Variants in LRRC4C observed in about 807,000 individuals in gnomAD.
The protein encoded by LRRC4C is leucine rich repeat containing 4C.
A neutral mutation model predicts 33.6 loss-of-function variants in LRRC4C; 5 were observed. That is an observed-to-expected ratio of 0.15 (90% confidence interval 0.08 to 0.31). The LOEUF (loss-of-function observed/expected upper bound fraction) is 0.31. Among genes scored for constraint, LRRC4C ranks in the 10% least tolerant of loss-of-function variants. The pLI, the probability that LRRC4C is intolerant of heterozygous loss-of-function variation, is 1.00. For missense variants in LRRC4C, 560 were observed against 796.7 expected, an observed-to-expected ratio of 0.70 and a Z score of 3.58; for synonymous variants, 329 against 302.0, an observed-to-expected ratio of 1.09 and a Z score of -0.93.
At chr11:40,534,498 G>A (rs1956396007) in intron 3 of LRRC4C, among the ~76,000 whole-genome samples, 1 of 152,156 alleles carries the variant, frequency 6.6e-6, no homozygotes, top group African/African-American at 2.4e-5. Context: ...TTCTAGCTGT[G>A]TGGCACTGCC....
At chr11:40,473,677 A>G (rs1358352248) in intron 3 of LRRC4C, among the ~76,000 whole-genome samples, 1 of 152,232 alleles carries the variant, frequency 6.6e-6, no homozygotes, top group Non-Finnish European at 1.5e-5. Flanking sequence ...CTGTTTACAG[A>G]TGACATGATG....
chr11:40,643,409 G>A (rs7479525), intron 3 of LRRC4C, among the ~76,000 whole-genome samples: 25,093 of 152,068 alleles, frequency 0.17, 2,488 homozygotes, highest in Admixed American at 0.26. Flanking sequence ...CATCAGGGTA[G>A]CGTCAAAGAA....
intron 2 of LRRC4C, among the ~76,000 whole-genome samples, chr11:40,753,255 A>G (rs1025509356): frequency 6.6e-6 from 1 of 152,054 alleles, no homozygotes; most frequent in Non-Finnish European, 1.5e-5. Context: ...ACAGTTAGCA[A>G]TAATATGCTG....
chr11:41,347,881 C>T (rs1266939105), intron 1 of LRRC4C, among the ~76,000 whole-genome samples: 1 of 152,100 alleles, frequency 6.6e-6, no homozygotes, highest in Non-Finnish European at 1.5e-5. Context: ...TGCTTCCGAA[C>T]CACCGGTACT....
intron 3 of LRRC4C, among the ~76,000 whole-genome samples, chr11:40,526,499 A>G (rs1439934644): frequency 1.3e-5 from 2 of 152,146 alleles, no homozygotes; most frequent in Non-Finnish European, 2.9e-5. Context: ...ATTAGTCACC[A>G]GGGAAATACA....
intron 5 of LRRC4C, among the ~76,000 whole-genome samples, chr11:40,219,159 A>G (rs1864220994): frequency 2.6e-5 from 4 of 152,274 alleles, no homozygotes; most frequent in African/African-American, 7.2e-5. Context: ...ATTCAAATTG[A>G]AATTTAAATT....
In LRRC4C at chr11:40,545,103, A is replaced by T. The variant is rs115005091; in HGVS notation, c.-270+103039T>A. ...TAGCACCTTGTCTCTGAAGCCTCCC[A>T]TCATCACCCAAGCAAAAAACATCAA... On this transcript the variant is annotated intron_variant, in intron 3 of 6. Transcript: ENST00000528697. 5.5e-3 allele frequency among the ~76,000 whole-genome samples: 838 copies of T among 152,050 alleles called. 8 individuals carry two copies. Among genetic ancestry groups the T allele is most frequent in the African/African-American group, 0.019 (802 of 41,504 alleles).
At chr11:41,372,626 C>T (rs984723650) in intron 1 of LRRC4C, among the ~76,000 whole-genome samples, 1 of 152,066 alleles carries the variant, frequency 6.6e-6, no homozygotes, top group Non-Finnish European at 1.5e-5. Context: ...GACACAGATA[C>T]TCTCACCCAT....
intron 1 of LRRC4C, among the ~76,000 whole-genome samples, chr11:41,378,167 G>A (rs1381273572): frequency 6.6e-6 from 1 of 151,948 alleles, no homozygotes; most frequent in Admixed American, 6.6e-5. Context: ...AAAGCAGTAA[G>A]CAAAGAGGTA....
At chr11:41,335,323 T>A (rs959244321) in intron 1 of LRRC4C, among the ~76,000 whole-genome samples, 1 of 152,196 alleles carries the variant, frequency 6.6e-6, no homozygotes, top group Admixed American at 6.5e-5. Flanking sequence ...GGAGGGTATA[T>A]GAATAGAGTT....
chr11:41,076,062 C>T (rs1446518456), intron 1 of LRRC4C, among the ~76,000 whole-genome samples: 1 of 152,138 alleles, frequency 6.6e-6, no homozygotes, highest in Non-Finnish European at 1.5e-5. Context: ...TACTCTCTTT[C>T]CTCTCTTTAC....
chr11:40,605,586 C>T (rs1206920129), intron 3 of LRRC4C, among the ~76,000 whole-genome samples: 2 of 152,170 alleles, frequency 1.3e-5, no homozygotes, highest in African/African-American at 4.8e-5. Flanking sequence ...GAGGAAAGTT[C>T]CAGCTCTCAA....
chr11:41,138,940 C>T (rs76292778), intron 1 of LRRC4C, among the ~76,000 whole-genome samples: 1 of 152,052 alleles, frequency 6.6e-6, no homozygotes, highest in Non-Finnish European at 1.5e-5. Flanking sequence ...CTAAGAATAC[C>T]TAGCTTCCCC....
intron 1 of LRRC4C, among the ~76,000 whole-genome samples, chr11:41,107,028 T>C (rs1167704649): frequency 6.7e-6 from 1 of 149,056 alleles, no homozygotes; most frequent in African/African-American, 2.5e-5. Flanking sequence ...AAAAATTAAA[T>C]ACTTGAGACC....
At chr11:40,700,087 GA>G (rs1945794422) in intron 2 of LRRC4C, among the ~76,000 whole-genome samples, 1 of 152,042 alleles carries the variant, frequency 6.6e-6, no homozygotes, top group Admixed American at 6.6e-5. Flanking sequence ...GGGGACTTTT[GA>G]ATGTTTCAAT....
At chr11:41,171,234 T>C (rs1440262997) in intron 1 of LRRC4C, among the ~76,000 whole-genome samples, 1 of 152,030 alleles carries the variant, frequency 6.6e-6, no homozygotes, top group Non-Finnish European at 1.5e-5. Context: ...CACCATTTGA[T>C]CCAGCCATCC....
Position 40,540,228 on chromosome 11 carries a change from T to G in LRRC4C, c.-270+107914A>C, listed in dbSNP as rs149149811. Reference sequence around the variant, plus strand: ...TTTTTCCCTCTTAGCTTTTTCTAAGTGCTGAACTGAATAGGTGTCAACTTT... The same window carrying G: ...TTTTTCCCTCTTAGCTTTTTCTAAGGGCTGAACTGAATAGGTGTCAACTTT... On this transcript the variant is annotated intron_variant, in intron 3 of 6. Transcript: ENST00000528697. 3.3e-5 allele frequency among the ~76,000 whole-genome samples: 5 copies of G among 152,302 alleles called. No homozygotes were observed. The East Asian group carries it at 5.8e-4, about 18-fold the overall frequency.
Position 40,116,370 on chromosome 11 carries a change from T to C in LRRC4C, c.-42-36A>G, listed in dbSNP as rs529940661. The C allele has an allele frequency of 4.0e-6, 6 of 1,510,966 alleles. No homozygotes were observed. The South Asian group carries it at 8.2e-5, about 21-fold the overall frequency. 93.6% of individuals were successfully genotyped at this position (1,510,966 alleles called of 1,614,324 possible). On this transcript the variant is annotated intron_variant, in intron 6 of 6. Transcript: ENST00000528697. Reference sequence around the variant, plus strand: ...CAAGCAAAAAAAACCAATTATTAGATTAGATTTATTCTAAGTGTCTTTCTG... The same window carrying C: ...CAAGCAAAAAAAACCAATTATTAGACTAGATTTATTCTAAGTGTCTTTCTG...
intron 1 of LRRC4C, among the ~76,000 whole-genome samples, chr11:41,141,026 C>T (rs1489176565): frequency 6.6e-6 from 1 of 151,968 alleles, no homozygotes; most frequent in African/African-American, 2.4e-5. Flanking sequence ...AGAATTATAT[C>T]TATGATATTT....
Sources: gnomAD v4.1 joint callset for allele counts (sites outside exome capture counted in the v4.1 genomes callset) on GRCh38, gnomAD v4.1.1 for gene constraint, MANE v1.5 for transcripts, NCBI Gene and HGNC (gene_info 2026-07-23, HGNC 2026-07-21) for gene names.